Variants in CCSER1 observed in about 807,000 individuals in gnomAD.
CCSER1 encodes serine-rich coiled-coil domain-containing protein 1.
A neutral mutation model predicts 82.0 loss-of-function variants in CCSER1; 41 were observed. That is an observed-to-expected ratio of 0.50 (90% CI 0.39 to 0.65). The LOEUF is 0.65. CCSER1 is among the 30% of genes least tolerant of loss of function. CCSER1 has a pLI of 0.00. For missense variants in CCSER1, 1,119 were observed against 1,064.2 expected (o/e 1.05, Z -0.72); for synonymous variants, 414 against 383.9 (o/e 1.08, Z -0.92).
rs1730153998 is a variant in CCSER1 at position 90,932,959 on chromosome 4, AAAG to A, written c.2172+9515_2172+9517del. Among the ~76,000 whole-genome samples the A allele has an allele frequency of 1.3e-4, 6 of 45,674 alleles. 1 individual carries two copies. The East Asian group carries it at 2.2e-3, about 17-fold the overall frequency. The allele number at this position is 45,674 out of a possible 152,430, so 30.0% of individuals were successfully genotyped here. Reference sequence around the variant, plus strand: ...GAAAGAAAGAAAGAAAGAAAGAAAGAAAGAAAGAAAGAAAGAAAGAAAGAGAAA... The same window carrying A: ...GAAAGAAAGAAAGAAAGAAAGAAAGAAAAGAAAGAAAGAAAGAAAGAGAAA... On this transcript the variant is annotated intron_variant, in intron 9 of 10. Transcript: ENST00000509176.
chr4:90,200,484 A>C (rs1737482550), intron 1 of CCSER1, among the ~76,000 whole-genome samples: 1 of 151,970 alleles, frequency 6.6e-6, no homozygotes, highest in Non-Finnish European at 1.5e-5. Context: ...TTTTTAGAAA[A>C]TCATACAAAA....
At chr4:91,355,082 G>T (rs1469360093) in intron 10 of CCSER1, among the ~76,000 whole-genome samples, 1 of 152,124 alleles carries the variant, frequency 6.6e-6, no homozygotes, top group Non-Finnish European at 1.5e-5. Context: ...TGCAGGAGGG[G>T]CTGCCTTTTC....
At chr4:90,556,522 A>G (rs1340725765) in intron 5 of CCSER1, among the ~76,000 whole-genome samples, 3 of 152,128 alleles carry the variant, frequency 2.0e-5, no homozygotes, top group African/African-American at 7.2e-5. Flanking sequence ...TTAACTACTT[A>G]CAGCCTATTG....
chr4:90,428,662 G>T (rs1019642240), intron 4 of CCSER1, among the ~76,000 whole-genome samples: 1 of 151,800 alleles, frequency 6.6e-6, no homozygotes, highest in Admixed American at 6.6e-5. Flanking sequence ...AGGAGGAGAA[G>T]GAAGAGAAGG....
intron 9 of CCSER1, among the ~76,000 whole-genome samples, chr4:90,978,162 A>G (rs1735781482): frequency 6.6e-6 from 1 of 151,662 alleles, no homozygotes; most frequent in Non-Finnish European, 1.5e-5. Flanking sequence ...GACCTAGCAC[A>G]CAGATTCCAC....
At chr4:90,219,929 T>C (rs186789811) in intron 1 of CCSER1, among the ~76,000 whole-genome samples, 247 of 152,294 alleles carry the variant, frequency 1.6e-3, no homozygotes, top group South Asian at 6.6e-3. Context: ...TTAAGAACTT[T>C]TATGTTGCTA....
intron 3 of CCSER1, among the ~76,000 whole-genome samples, chr4:90,369,503 A>T (rs1359942646): frequency 6.6e-6 from 1 of 151,996 alleles, no homozygotes; most frequent in Non-Finnish European, 1.5e-5. Flanking sequence ...AGAATACATG[A>T]TATATTTATT....
At chr4:91,570,609 C>T (rs888870275) in intron 10 of CCSER1, among the ~76,000 whole-genome samples, 2 of 152,180 alleles carry the variant, frequency 1.3e-5, no homozygotes, top group Non-Finnish European at 1.5e-5. Context: ...CCTTGGCCCC[C>T]TTTAGCCAAG....
At chr4:90,844,713 A>G (rs1233578502) in intron 8 of CCSER1, among the ~76,000 whole-genome samples, 6 of 151,868 alleles carry the variant, frequency 4.0e-5, no homozygotes, top group Admixed American at 3.9e-4. Flanking sequence ...TAGCATTTTC[A>G]TACCTTCTAA....
At chr4:91,158,620 C>CTGTGTGTG (rs145928017) in intron 10 of CCSER1, among the ~76,000 whole-genome samples, 3 of 148,572 alleles carry the variant, frequency 2.0e-5, no homozygotes, top group Non-Finnish European at 4.5e-5. Context: ...CCCTCTCTTT[C>CTGTGTGTG]TGTGTGTGTG....
In CCSER1 at chr4:90,586,325, T is replaced by C. The variant is rs139547552; in HGVS notation, c.1725-41700T>C. Among the ~76,000 whole-genome samples, 736 of 152,190 alleles carry C rather than the reference T, an allele frequency of 4.8e-3. 9 individuals carry two copies. Among genetic ancestry groups the C allele is most frequent in the African/African-American group, 0.017 (703 of 41,524 alleles). ...AAAACTGACCCCTGGTGCCAAAAGA[T>C]TGGGGACTGCGGATTTAGAAGATAA... On this transcript the variant is annotated intron_variant, in intron 5 of 10. Transcript: ENST00000509176.
At chr4:90,691,807 T>G (rs1432276181) in intron 6 of CCSER1, among the ~76,000 whole-genome samples, 2 of 151,642 alleles carry the variant, frequency 1.3e-5, no homozygotes, top group African/African-American at 2.4e-5. Flanking sequence ...ACCCAGGTAA[T>G]AAACATAGTA....
intron 3 of CCSER1, among the ~76,000 whole-genome samples, chr4:90,354,201 C>A (rs185278025): frequency 2.3e-4 from 35 of 152,228 alleles, no homozygotes; most frequent in Admixed American, 1.1e-3. Context: ...GACAGAAAGA[C>A]AGCTACTATA....
intron 1 of CCSER1, among the ~76,000 whole-genome samples, chr4:90,263,672 A>C (rs1724734143): frequency 6.6e-6 from 1 of 152,150 alleles, no homozygotes; most frequent in Non-Finnish European, 1.5e-5. Context: ...GAAAAGGGGC[A>C]TCAGCTGGCA....
intron 9 of CCSER1, among the ~76,000 whole-genome samples, chr4:90,972,702 C>A (rs1735228971): frequency 6.6e-6 from 1 of 151,496 alleles, no homozygotes; most frequent in Non-Finnish European, 1.5e-5. Context: ...GTACAGAATA[C>A]CCAAAGCAAT....
intron 7 of CCSER1, among the ~76,000 whole-genome samples, chr4:90,801,438 T>C (rs1271149459): frequency 6.6e-6 from 1 of 152,146 alleles, no homozygotes; most frequent in Non-Finnish European, 1.5e-5. Flanking sequence ...ATTATTATTT[T>C]TTGAAAGATT....
At chr4:90,769,458 G>A (rs1751752424) in intron 7 of CCSER1, among the ~76,000 whole-genome samples, 1 of 152,178 alleles carries the variant, frequency 6.6e-6, no homozygotes, top group Non-Finnish European at 1.5e-5. Flanking sequence ...TTAAAGCCAA[G>A]AGCCATGGAG....
intron 5 of CCSER1, among the ~76,000 whole-genome samples, chr4:90,571,424 T>A (rs1318287396): frequency 1.3e-5 from 2 of 152,152 alleles, no homozygotes; most frequent in African/African-American, 4.8e-5. Context: ...ATCACGTCAA[T>A]CATGTTCCAT....
At chr4:90,331,194 T>C (rs1739215000) in intron 3 of CCSER1, among the ~76,000 whole-genome samples, 1 of 151,186 alleles carries the variant, frequency 6.6e-6, no homozygotes, top group South Asian at 2.1e-4. Context: ...TATTTTTTTC[T>C]TTTTTTTTCT....
Sources: allele counts gnomAD v4.1 joint callset (sites outside exome capture counted in the v4.1 genomes callset), GRCh38; gene constraint gnomAD v4.1.1; transcripts MANE v1.5; gene names NCBI Gene and HGNC (gene_info 2026-07-23, HGNC 2026-07-21).